The following TIMM23B variants were observed in gnomAD, a reference collection of about 807,000 sequenced individuals.
The protein encoded by TIMM23B is mitochondrial import inner membrane translocase subunit Tim23B.
A neutral mutation model predicts 27.3 loss-of-function variants in TIMM23B; 27 were observed. The observed-to-expected ratio is 0.99, with a 90% confidence interval of 0.73 to 1.36. The LOEUF (loss-of-function observed/expected upper bound fraction) is 1.36. Among genes scored for constraint, TIMM23B ranks in the 40% most tolerant of loss-of-function variants. The pLI, the probability that TIMM23B is intolerant of heterozygous loss-of-function variation, is 0.00. For missense variants in TIMM23B, 205 were observed against 244.2 expected (o/e 0.84, Z 1.07); for synonymous variants, 73 against 92.4 (o/e 0.79, Z 1.21).
At chr10:49,945,884 T>G (rs1839341230) in intron 2 of TIMM23B, among the ~76,000 whole-genome samples, 1 of 151,760 alleles carries the variant, frequency 6.6e-6, no homozygotes, top group Non-Finnish European at 1.5e-5. Flanking sequence ...CAACACCCCC[T>G]TTAATGATTA....
intron 2 of TIMM23B, among the ~76,000 whole-genome samples, chr10:49,950,546 CTT>C (rs1161323117): frequency 7.6e-5 from 8 of 105,328 alleles, no homozygotes; most frequent in African/African-American, 7.0e-5. Flanking sequence ...GTTTTCTTTT[CTT>C]TTTTTTTTTT....
chr10:49,947,770 A>C (rs1447138837), intron 2 of TIMM23B, among the ~76,000 whole-genome samples: 1 of 151,996 alleles, frequency 6.6e-6, no homozygotes, highest in East Asian at 1.9e-4. Flanking sequence ...CTCTGCAAAA[A>C]AATACAAAAA....
At chr10:49,970,833 C>G (rs1319509385) in intron 6 of TIMM23B, among the ~76,000 whole-genome samples, 2 of 152,232 alleles carry the variant, frequency 1.3e-5, no homozygotes, top group Non-Finnish European at 2.9e-5. Context: ...GAGGTGTACC[C>G]AACAGCTCAT....
intron 6 of TIMM23B, among the ~76,000 whole-genome samples, chr10:49,965,013 G>T (rs1205721697): frequency 1.3e-5 from 2 of 152,184 alleles, no homozygotes; most frequent in Non-Finnish European, 2.9e-5. Context: ...TTGAGGTCAG[G>T]AGTTCAAGAT....
chr10:49,965,489 GCGA>G (rs1554855247), intron 6 of TIMM23B, among the ~76,000 whole-genome samples: 2 of 151,114 alleles, frequency 1.3e-5, no homozygotes, highest in Admixed American at 6.6e-5. Context: ...TCCAGACTGG[GCGA>G]TAGAGCGAGT....
chr10:49,967,788 A>G (rs1213233246), intron 6 of TIMM23B, among the ~76,000 whole-genome samples: 1 of 151,028 alleles, frequency 6.6e-6, no homozygotes, highest in East Asian at 1.9e-4. Context: ...TTAAGAATAC[A>G]TATAATATGC....
chr10:49,951,567 G>A (rs1197753433), intron 2 of TIMM23B, among the ~76,000 whole-genome samples: 5 of 152,032 alleles, frequency 3.3e-5, no homozygotes, highest in Admixed American at 6.5e-5. Context: ...CACATTTTGT[G>A]TATGCAATTA....
At chr10:49,947,961 G>A (rs1281498448) in intron 2 of TIMM23B, among the ~76,000 whole-genome samples, 1 of 152,142 alleles carries the variant, frequency 6.6e-6, no homozygotes, top group East Asian at 1.9e-4. Context: ...ACAATCCACA[G>A]ACTGAGAGAA....
rs200695673 is a variant in TIMM23B at position 49,968,867 on chromosome 10, A to G, written c.515-4145A>G. On this transcript the variant is annotated intron_variant, in intron 6 of 6. Coordinates refer to ENST00000651259, the MANE Select transcript of TIMM23B (RefSeq NM_001290117.2). ...GAAATGTTATGAAAAATTTGGAAAT[A>G]TTTGTCACTAGCTGTATGACCTTTT... 4.5e-3 allele frequency among the ~76,000 whole-genome samples: 682 copies of G among 152,218 alleles called. 3 individuals are homozygous for G. The highest frequency in any genetic ancestry group is 8.1e-3 in the Non-Finnish European group (548 of 68,008).
chr10:49,964,078 TTGAA>T (rs1840022174), intron 6 of TIMM23B, among the ~76,000 whole-genome samples: 1 of 150,654 alleles, frequency 6.6e-6, no homozygotes, highest in Admixed American at 6.6e-5. Context: ...TGGATTGAAA[TTGAA>T]TGGGAATGGG....
In TIMM23B at chr10:49,973,074, T is replaced by A. The variant is rs1554856883; in HGVS notation, c.*10T>A. The A allele has an allele frequency of 1.3e-6, 2 of 1,533,306 alleles. No homozygotes were observed. The highest frequency in any genetic ancestry group is 2.4e-5 in the South Asian group (2 of 83,966). 95.0% of individuals were successfully genotyped at this position (1,533,306 alleles called of 1,614,324 possible). ...GCTGTCTGGCTCCTGAACCCAGCTG[T>A]AGAGGTGTGTGTCAATCCCAACTGG... is the stretch of plus-strand genomic sequence containing the variant. On this transcript the variant is annotated 3_prime_UTR_variant, in exon 7 of 7. Transcript: ENST00000651259.
intron 2 of TIMM23B, 59 bp downstream of exon 2, chr10:49,945,149 A>G: frequency 1.3e-6 from 2 of 1,571,698 alleles, no homozygotes; most frequent in Non-Finnish European, 1.7e-6. Context: ...AAAAACGCCA[A>G]GTGCTATGCT....
intron 5 of TIMM23B, among the ~76,000 whole-genome samples, chr10:49,955,775 G>T (rs1839696836): frequency 6.6e-6 from 1 of 152,202 alleles, no homozygotes; most frequent in Admixed American, 6.5e-5. Flanking sequence ...AAAAGCGTTT[G>T]TTATGGCAGA....
chr10:49,962,970 C>T (rs1485795327), intron 6 of TIMM23B, among the ~76,000 whole-genome samples: 7 of 149,762 alleles, frequency 4.7e-5, no homozygotes, highest in African/African-American at 1.7e-4. Context: ...TGGCTCACAG[C>T]AACCTCTGCC....
At chr10:49,952,879 A>C (rs1472099753) in intron 4 of TIMM23B, among the ~76,000 whole-genome samples, 1 of 151,860 alleles carries the variant, frequency 6.6e-6, no homozygotes, top group Non-Finnish European at 1.5e-5. Flanking sequence ...ATGCAGATCC[A>C]TAGGAAATGG....
intron 2 of TIMM23B, among the ~76,000 whole-genome samples, chr10:49,949,046 C>G (rs1839439541): frequency 6.6e-6 from 1 of 152,084 alleles, no homozygotes; most frequent in South Asian, 2.1e-4. Context: ...CACCACCATG[C>G]CTGGCTAATT....
intron 2 of TIMM23B, among the ~76,000 whole-genome samples, chr10:49,949,197 C>CA (rs1484172124): frequency 9.4e-6 from 1 of 106,594 alleles, no homozygotes; most frequent in African/African-American, 3.5e-5. Context: ...CATGCCTGGC[C>CA]TTTTTTTTTT....
chr10:49,952,129 A>G lies in TIMM23B; in HGVS notation c.169A>G (p.Thr57Ala), dbSNP rs1839552196. The G allele has an allele frequency of 6.3e-7, 1 of 1,594,430 alleles. No individual in the cohort carries two copies. Among genetic ancestry groups the G allele is most frequent in the Non-Finnish European group, 8.6e-7 (1 of 1,162,076 alleles). The change falls in exon 3 of 7, where the codon ACA becomes GCA. Residue 57 changes from threonine (T) to alanine (A), a missense_variant. Physicochemically the swap from Thr to Ala is moderately conservative, Grantham distance 58. Transcript: ENST00000651259. ...GTTTTCATTATTATCCTTTTAGGAT[A>G]CAGATGAGTTCATTTTACCTACCGG... is the stretch of plus-strand genomic sequence containing the variant. ...NVDPRYLVQDTDEFILPTGAN... is the reference protein window; with the variant it reads ...NVDPRYLVQDADEFILPTGAN...
chr10:49,949,696 C>G (rs1488136388), intron 2 of TIMM23B, among the ~76,000 whole-genome samples: 2 of 150,412 alleles, frequency 1.3e-5, no homozygotes, highest in East Asian at 1.9e-4. Context: ...TAAACCTCAT[C>G]TGTTATTGGA....
Sources: gnomAD v4.1 joint callset for allele counts (sites outside exome capture counted in the v4.1 genomes callset) on GRCh38, gnomAD v4.1.1 for gene constraint, MANE v1.5 for transcripts, NCBI Gene and HGNC (gene_info 2026-07-23, HGNC 2026-07-21) for gene names.